Variants in ALPK1 observed in about 807,000 individuals in gnomAD.
The protein encoded by ALPK1 is alpha kinase 1.
A neutral mutation model predicts 120.6 loss-of-function variants in ALPK1; 110 were observed. That is an observed-to-expected ratio of 0.91 (90% CI 0.78 to 1.07). ALPK1 has a LOEUF of 1.07. Ranked by LOEUF, ALPK1 falls within the 50% of genes least tolerant of loss-of-function variation. The pLI, the probability that ALPK1 is intolerant of heterozygous loss-of-function variation, is 0.00. For synonymous variants in ALPK1, 582 were observed against 560.3 expected (o/e 1.04, Z -0.55); for missense variants, 1,498 against 1,483.9 (o/e 1.01, Z -0.16).
chr4:112,325,539 G>A (rs1729075892), intron 2 of ALPK1, among the ~76,000 whole-genome samples: 1 of 152,224 alleles, frequency 6.6e-6, no homozygotes, highest in South Asian at 2.1e-4. Context: ...GGTGAGTAGA[G>A]TTCACATTCA....
chr4:112,432,297 T>C lies in ALPK1; in HGVS notation c.2750T>C (p.Met917Thr), dbSNP rs1431990369. 4 of 1,614,062 alleles carry C rather than the reference T, an allele frequency of 2.5e-6. No homozygotes were observed. The highest frequency in any genetic ancestry group is 2.7e-5 in the African/African-American group (2 of 74,932). Residue 917 changes from methionine to threonine, a missense_variant, in exon 11 of 16, where the codon ATG becomes ACG. By Grantham distance (81) the Met-to-Thr change is moderately conservative (BLOSUM62 -1). Transcript: ENST00000650871. ...GAGGAAGGAAATCAGCCTGGAAACA[T>C]GCTAAACTGCAGCCAGAACTCCAGC... ...TTEEGNQPGN[M>T]LNCSQNSSSS...
intron 10 of ALPK1, 64 bp from the exon 11 acceptor site, chr4:112,430,383 GT>G: frequency 4.3e-6 from 6 of 1,402,826 alleles, no homozygotes; most frequent in Non-Finnish European, 5.8e-6. Context: ...GAAATGAAAA[GT>G]TTGTCCTGAT....
chr4:112,309,488 G>C (rs559399513), intron 1 of ALPK1, among the ~76,000 whole-genome samples: 3 of 152,098 alleles, frequency 2.0e-5, no homozygotes, highest in Admixed American at 1.3e-4. Flanking sequence ...CCTGCAGTTC[G>C]ATCTCAGACT....
rs769379637 is a variant in ALPK1 at position 112,423,970 on chromosome 4, C to T, written c.502C>T (p.Leu168=). The T allele has an allele frequency of 8.7e-6, 14 of 1,613,986 alleles. No homozygotes were observed. The East Asian group carries it at 3.1e-4, about 36-fold the overall frequency. ...SGKLLKAEYI[L]SSLISNNGAT... is the part of the protein sequence containing the mutation. ...AAAACTTTTAAAAGCAGAGTATATT[C>T]TGAGCAGTCTAATAAGCAACAATGG... Residue 168 remains leucine, a synonymous_variant, in exon 6 of 16, where the codon CTG becomes TTG. Coordinates refer to ENST00000650871, the MANE Select transcript of ALPK1 (RefSeq NM_025144.4).
intron 3 of ALPK1, among the ~76,000 whole-genome samples, chr4:112,381,062 C>T (rs1007972405): frequency 6.6e-6 from 1 of 152,192 alleles, no homozygotes; most frequent in Non-Finnish European, 1.5e-5. Context: ...TTTGCCAAAC[C>T]ACTGAAGATT....
At chr4:112,350,681 C>T (rs1022168200) in intron 2 of ALPK1, among the ~76,000 whole-genome samples, 10 of 152,214 alleles carry the variant, frequency 6.6e-5, no homozygotes, top group African/African-American at 2.4e-4. Flanking sequence ...CAGGACTCTG[C>T]ACTCTTATCC....
At chr4:112,317,413 A>C (rs2110540182) in intron 2 of ALPK1, among the ~76,000 whole-genome samples, 1 of 152,166 alleles carries the variant, frequency 6.6e-6, no homozygotes, top group Non-Finnish European at 1.5e-5. Flanking sequence ...TAATTTTTGT[A>C]TGTGGTGTTG....
intron 12 of ALPK1, among the ~76,000 whole-genome samples, chr4:112,437,171 G>A (rs866132041): frequency 2.6e-5 from 4 of 152,056 alleles, no homozygotes; most frequent in Non-Finnish European, 2.9e-5. Flanking sequence ...GACAGATTAC[G>A]TACATAGAAA....
intron 2 of ALPK1, chr4:112,358,580 C>A: frequency 1.4e-6 from 1 of 714,686 alleles, no homozygotes. Flanking sequence ...CTGGCAGAGG[C>A]CCTGGGGGCT....
intron 3 of ALPK1, among the ~76,000 whole-genome samples, chr4:112,381,585 C>T (rs62316106): frequency 0.31 from 46,943 of 152,112 alleles, 8,278 homozygotes; most frequent in Non-Finnish European, 0.4. Flanking sequence ...GGTGCATGTA[C>T]TGTACATCAC....
chr4:112,357,537 C>T (rs1730691836), intron 2 of ALPK1: 1 of 1,060,288 alleles, frequency 9.4e-7, no homozygotes, highest in South Asian at 1.4e-5. Flanking sequence ...AGGGCATCTG[C>T]TTTATCATCC....
At chr4:112,302,108 T>A (rs17044393) in intron 1 of ALPK1, among the ~76,000 whole-genome samples, 341 of 152,274 alleles carry the variant, frequency 2.2e-3, no homozygotes, top group Middle Eastern at 6.8e-3. Context: ...TCTTTCTTCA[T>A]CTCTGCTTTC....
At chr4:112,311,091 G>A (rs988804339) in intron 1 of ALPK1, among the ~76,000 whole-genome samples, 5 of 152,172 alleles carry the variant, frequency 3.3e-5, no homozygotes, top group South Asian at 2.1e-4. Context: ...AGTGTGCAAC[G>A]AATACAAAAA....
intron 14 of ALPK1, 135 bp downstream of exon 14, chr4:112,440,007 T>C: frequency 3.8e-6 from 3 of 789,830 alleles, no homozygotes; most frequent in Non-Finnish European, 5.7e-6. Flanking sequence ...TAATTGATCT[T>C]ACTATATATA....
At chr4:112,393,219 T>C (rs1158442614) in intron 4 of ALPK1, among the ~76,000 whole-genome samples, 1 of 152,214 alleles carries the variant, frequency 6.6e-6, no homozygotes, top group Admixed American at 6.5e-5. Context: ...ACAATCCCAC[T>C]GTGTGCCCAG....
At position 112,431,833 on chromosome 4, in the gene ALPK1, G is replaced by T. The variant is rs1248676381; in HGVS notation, c.2286G>T (p.Gly762=). ...ETNCDVKDRQ[G]KEQGEEISER... ...ACTGCGATGTCAAAGACAGGCAGGG[G>T]AAAGAGCAGGGAGAAGAAATTAGTG... is the stretch of plus-strand genomic sequence containing the variant. The change falls in exon 11 of 16, where the codon GGG becomes GGT. Residue 762 remains glycine (G), a synonymous_variant. Transcript: ENST00000650871. 4 of 1,613,994 alleles carry T rather than the reference G, an allele frequency of 2.5e-6. No individual in the cohort carries two copies. In the East Asian group the frequency reaches 6.7e-5, roughly 27 times the overall value.
intron 15 of ALPK1, 23 bp downstream of exon 15, chr4:112,441,128 TG>T: frequency 6.2e-7 from 1 of 1,613,956 alleles, no homozygotes; most frequent in Middle Eastern, 1.7e-4. Flanking sequence ...CTGTATGGAT[TG>T]GTAATGTGAC....
rs546656813 is a variant in ALPK1, at chr4:112,363,812, C to T, written c.-100-13866C>T. Reference sequence around the variant, plus strand: ...CCAAGATAGGCCATATGATAGGCCACAAAACAAGTCTCAACAAATTTAAGA... The same window carrying T: ...CCAAGATAGGCCATATGATAGGCCATAAAACAAGTCTCAACAAATTTAAGA... On this transcript the variant is annotated intron_variant, in intron 2 of 15. Transcript: ENST00000650871. Among the ~76,000 whole-genome samples the T allele has an allele frequency of 3.1e-4, 47 of 152,188 alleles. No homozygotes were observed. In the East Asian group the frequency reaches 7.1e-3, roughly 23 times the overall value.
At chr4:112,440,869 G>A in intron 14 of ALPK1, 48 bp from the exon 15 acceptor site, 1 of 1,542,680 alleles carries the variant, frequency 6.5e-7, no homozygotes, top group African/African-American at 1.4e-5. Flanking sequence ...ACACTTGATG[G>A]ACATTTACAG....
Sources: gnomAD v4.1 joint callset for allele counts (sites outside exome capture counted in the v4.1 genomes callset) on GRCh38, gnomAD v4.1.1 for gene constraint, MANE v1.5 for transcripts, NCBI Gene and HGNC (gene_info 2026-07-23, HGNC 2026-07-21) for gene names.